CEMIP: variants seen among roughly 807,000 people sequenced by gnomAD.
The protein encoded by CEMIP is cell migration-inducing and hyaluronan-binding protein.
CEMIP carries 105 observed loss-of-function variants against 156.9 expected under a neutral mutation model. The observed-to-expected ratio is 0.67, with a 90% CI of 0.57 to 0.79. CEMIP has a LOEUF of 0.79. Ranked by LOEUF, CEMIP falls within the 30% of genes least tolerant of loss-of-function variation. The probability of loss-of-function intolerance (pLI) is 0.00; values close to 1 mark genes in which losing one functional copy is unlikely to be tolerated. For missense variants in CEMIP, 1,457 were observed against 1,769.4 expected, an observed-to-expected ratio of 0.82 and a Z score of 3.17; for synonymous variants, 676 against 668.4, an observed-to-expected ratio of 1.01 and a Z score of -0.17.
intron 1 of CEMIP, among the ~76,000 whole-genome samples, chr15:80,832,300 G>T (rs1171041774): frequency 7.7e-6 from 1 of 129,894 alleles, no homozygotes. Flanking sequence ...CAGGTTTCTG[G>T]AGCTTTGGTT....
chr15:80,933,259 G>A lies in CEMIP; in HGVS notation c.2808G>A (p.Val936=). ...GCTCTGTTTAGATTACTTCCAGAGT[G>A]TTCTTCGGAGAGCCTGGGCCCTGGT... ...AFEDVPITSR[V]FFGEPGPWFN... The change falls in exon 23 of 30, where the codon GTG becomes GTA. Residue 936 remains valine, a synonymous_variant. Coordinates refer to ENST00000394685, the MANE Select transcript of CEMIP (RefSeq NM_001293298.2). The A allele has an allele frequency of 1.2e-6, 2 of 1,614,154 alleles. No homozygotes were observed. Among genetic ancestry groups the A allele is most frequent in the Non-Finnish European group, 1.7e-6 (2 of 1,179,980 alleles).
At chr15:80,938,682 G>A (rs1901228635) in intron 25 of CEMIP, among the ~76,000 whole-genome samples, 2 of 152,164 alleles carry the variant, frequency 1.3e-5, no homozygotes, top group Admixed American at 6.5e-5. Flanking sequence ...TTTGAACCTA[G>A]ATCTGTCTGT....
intron 27 of CEMIP, 41 bp downstream of exon 27, chr15:80,942,378 T>C (rs2141972661): frequency 6.6e-7 from 1 of 1,510,532 alleles, no homozygotes; most frequent in Non-Finnish European, 9.2e-7. Flanking sequence ...GTTTGCTCAT[T>C]GAGAGGTGAT....
chr15:80,892,984 C>T (rs909365543), intron 10 of CEMIP, among the ~76,000 whole-genome samples: 16 of 152,078 alleles, frequency 1.1e-4, no homozygotes, highest in Non-Finnish European at 2.2e-4. Flanking sequence ...GTTAGGAGTT[C>T]GAGACCAGCC....
At chr15:80,881,185 T>C in intron 6 of CEMIP, 49 bp downstream of exon 6, 1 of 1,519,392 alleles carries the variant, frequency 6.6e-7, no homozygotes, top group East Asian at 2.3e-5. Flanking sequence ...CAAAGTACAC[T>C]TATTGAGTGT....
intron 23 of CEMIP, among the ~76,000 whole-genome samples, chr15:80,935,762 G>A (rs559312721): frequency 4.4e-4 from 67 of 152,122 alleles, no homozygotes; most frequent in African/African-American, 1.5e-3. Flanking sequence ...ATGGAGTTTC[G>A]CTCTTGTTGC....
chr15:80,827,155 T>G (rs1398761582), intron 1 of CEMIP, among the ~76,000 whole-genome samples: 1 of 152,170 alleles, frequency 6.6e-6, no homozygotes, highest in Non-Finnish European at 1.5e-5. Context: ...ATAGGTGACG[T>G]GTCCCCAGTG....
At chr15:80,833,699 C>A in intron 1 of CEMIP, among the ~76,000 whole-genome samples, 1 of 144,796 alleles carries the variant, frequency 6.9e-6, no homozygotes, top group Non-Finnish European at 1.5e-5. Flanking sequence ...GACAGAGTCT[C>A]ACTCTGTCAC....
chr15:80,847,789 C>T (rs894430924), intron 1 of CEMIP, among the ~76,000 whole-genome samples: 1 of 152,188 alleles, frequency 6.6e-6, no homozygotes, highest in Non-Finnish European at 1.5e-5. Context: ...TGCAGAAGGG[C>T]GCTGTGGGTG....
intron 21 of CEMIP, among the ~76,000 whole-genome samples, chr15:80,929,722 G>A (rs1297813436): frequency 6.6e-6 from 1 of 152,258 alleles, no homozygotes; most frequent in Non-Finnish European, 1.5e-5. Context: ...TTCTACACGG[G>A]CACCGTGGGT....
At chr15:80,803,955 C>CA (rs1896445751) in intron 1 of CEMIP, among the ~76,000 whole-genome samples, 1 of 152,214 alleles carries the variant, frequency 6.6e-6, no homozygotes, top group Non-Finnish European at 1.5e-5. Flanking sequence ...TTAATGGACT[C>CA]ACAGTTCCAC....
chr15:80,794,898 G>A (rs1319889287), intron 1 of CEMIP, among the ~76,000 whole-genome samples: 3 of 152,208 alleles, frequency 2.0e-5, no homozygotes, highest in African/African-American at 4.8e-5. Flanking sequence ...AGTGGCTGGT[G>A]GAAGTAGAAG....
chr15:80,885,712 T>A (rs1231099155), intron 7 of CEMIP, among the ~76,000 whole-genome samples: 3 of 152,176 alleles, frequency 2.0e-5, no homozygotes, highest in African/African-American at 4.8e-5. Context: ...AAATGGGATA[T>A]ACGAGGAGCT....
chr15:80,918,553 C>T (rs1002453825), intron 14 of CEMIP, among the ~76,000 whole-genome samples: 5 of 152,082 alleles, frequency 3.3e-5, no homozygotes, highest in East Asian at 1.9e-4. Flanking sequence ...TGTTGCTGGT[C>T]GGTATGTGGA....
intron 1 of CEMIP, among the ~76,000 whole-genome samples, chr15:80,869,611 C>T (rs1272748415): frequency 1.3e-5 from 2 of 152,190 alleles, no homozygotes; most frequent in African/African-American, 2.4e-5. Flanking sequence ...AAGATAGCAG[C>T]TTGCCATTTG....
chr15:80,874,057 C>T (rs982688503), intron 3 of CEMIP, 84 bp downstream of exon 3: 13 of 1,314,116 alleles, frequency 9.9e-6, no homozygotes, highest in Non-Finnish European at 1.2e-5. Flanking sequence ...TTTGGGGGAG[C>T]CAGGAGAAGG....
At chr15:80,864,595 C>T (rs1194689204) in intron 1 of CEMIP, among the ~76,000 whole-genome samples, 5 of 152,210 alleles carry the variant, frequency 3.3e-5, no homozygotes, top group Admixed American at 1.3e-4. Flanking sequence ...CTATTATTCC[C>T]CCATTTTACA....
In CEMIP at chr15:80,895,132, C is replaced by A; in HGVS notation, c.1219+10C>A. 2 of 1,614,086 alleles carry A rather than the reference C, an allele frequency of 1.2e-6. No individual in the cohort carries two copies. Among genetic ancestry groups the A allele is most frequent in the South Asian group, 1.1e-5 (1 of 91,050 alleles). On this transcript the variant is annotated intron_variant, in intron 11 of 29. Coordinates refer to ENST00000394685, the MANE Select transcript of CEMIP (RefSeq NM_001293298.2). ...CTCTGTGGGAAGCCTGGTAAGCAGC[C>A]CCTTGTCGGGGACACAGATGCAACT...
chr15:80,894,182 C>G (rs539878868), intron 10 of CEMIP, among the ~76,000 whole-genome samples: 1 of 152,164 alleles, frequency 6.6e-6, no homozygotes, highest in Non-Finnish European at 1.5e-5. Flanking sequence ...GCCCACCATG[C>G]GGTGGGAGGA....
Sources: gnomAD v4.1 joint callset for allele counts (sites outside exome capture counted in the v4.1 genomes callset) on GRCh38, gnomAD v4.1.1 for gene constraint, MANE v1.5 for transcripts, NCBI Gene and HGNC (gene_info 2026-07-23, HGNC 2026-07-21) for gene names.